SLC22A24: variants seen among roughly 807,000 people sequenced by gnomAD.
SLC22A24 encodes solute carrier family 22 member 24.
SLC22A24 carries 53 observed loss-of-function variants against 49.8 expected under a neutral mutation model. The observed-to-expected ratio is 1.06, with a 90% CI of 0.85 to 1.34. SLC22A24 has a LOEUF of 1.34. SLC22A24 is among the 40% of genes most tolerant of loss of function. The pLI is 0.00. For synonymous variants in SLC22A24, 302 were observed against 256.4 expected, an observed-to-expected ratio of 1.18 and a Z score of -1.70; for missense variants, 786 against 675.9, an observed-to-expected ratio of 1.16 and a Z score of -1.81.
intron 6 of SLC22A24, among the ~76,000 whole-genome samples, chr11:63,089,541 G>T (rs1341014555): frequency 1.3e-5 from 2 of 152,122 alleles, no homozygotes; most frequent in African/African-American, 4.8e-5. Context: ...CTAGCATCAT[G>T]ATGATAGGAT....
chr11:63,086,182 T>C (rs2086985982), intron 6 of SLC22A24, among the ~76,000 whole-genome samples: 2 of 152,184 alleles, frequency 1.3e-5, no homozygotes, highest in Admixed American at 1.3e-4. Context: ...AATCCCATTA[T>C]TGGATATACA....
chr11:63,094,300 G>A (rs1467925650), intron 6 of SLC22A24, among the ~76,000 whole-genome samples: 8 of 151,810 alleles, frequency 5.3e-5, no homozygotes, highest in African/African-American at 1.9e-4. Flanking sequence ...TCCCTACAAA[G>A]GACATGGACT....
At chr11:63,124,403 A>C (rs533663580) in intron 2 of SLC22A24, among the ~76,000 whole-genome samples, 1 of 152,328 alleles carries the variant, frequency 6.6e-6, no homozygotes, top group African/African-American at 2.4e-5. Flanking sequence ...GGAGTCAAAC[A>C]CTAGCAGACG....
Position 63,081,019 on chromosome 11 carries a change from G to A in SLC22A24, c.1499C>T (p.Ser500Phe), listed in dbSNP as rs1202539636. ...MAYSPHLPWI[S>F]YGVFPILAVP... ...AGCAAGGATGGGGAAGACTCCATAG[G>A]AAATCCAGGGTAGGTGGGGAGAATA... Residue 500 changes from serine (S) to phenylalanine (F), a missense_variant, in exon 9 of 10, where the codon TCC (serine) becomes TTC (phenylalanine). Transcript: ENST00000612278. The A allele has an allele frequency of 6.4e-7, 1 of 1,551,722 alleles. No homozygotes were observed. The highest frequency in any genetic ancestry group is 1.2e-5 in the South Asian group (1 of 84,058).
chr11:63,097,026 A>G (rs1197381926), intron 5 of SLC22A24, among the ~76,000 whole-genome samples: 1 of 152,144 alleles, frequency 6.6e-6, no homozygotes, highest in Non-Finnish European at 1.5e-5. Context: ...TTCATTTCTT[A>G]CATTTATGAT....
intron 4 of SLC22A24, among the ~76,000 whole-genome samples, chr11:63,109,476 G>T (rs1489375341): frequency 2.8e-5 from 4 of 143,024 alleles, no homozygotes; most frequent in African/African-American, 1.0e-4. Flanking sequence ...GTGTAAAAGT[G>T]TTCCTATTTC....
At chr11:63,100,006 A>G (rs1240767739) in intron 5 of SLC22A24, among the ~76,000 whole-genome samples, 1 of 152,156 alleles carries the variant, frequency 6.6e-6, no homozygotes, top group South Asian at 2.1e-4. Flanking sequence ...TTATCCCTAA[A>G]ATTCAGAAAA....
At chr11:63,089,954 G>A (rs2087009147) in intron 6 of SLC22A24, among the ~76,000 whole-genome samples, 1 of 151,744 alleles carries the variant, frequency 6.6e-6, no homozygotes, top group African/African-American at 2.4e-5. Context: ...GGTGGTGGGC[G>A]CCTGTCGTCC....
chr11:63,119,347 T>G lies in SLC22A24; in HGVS notation c.507-12A>C, dbSNP rs746857513. On this transcript the variant is annotated splice_polypyrimidine_tract_variant and intron_variant, in intron 2 of 9. Coordinates refer to ENST00000612278, the MANE Select transcript of SLC22A24 (RefSeq NM_001136506.2). ...TCTTCCGTCCAACCCTAAGAAATAT[T>G]AAACCAGATAACGTTACTTAGGAAC... 3 of 1,512,984 alleles carry G rather than the reference T, an allele frequency of 2.0e-6. No individual in the cohort carries two copies. In the South Asian group the frequency reaches 3.8e-5, roughly 19 times the overall value. 93.7% of individuals were successfully genotyped at this position (1,512,984 alleles called of 1,614,324 possible). A position where few individuals can be genotyped will look rare whatever the true frequency, so the allele number is the denominator to read the frequency against.
chr11:63,116,946 A>T (rs1463589110), intron 4 of SLC22A24, among the ~76,000 whole-genome samples: 1 of 143,826 alleles, frequency 7.0e-6, no homozygotes, highest in Non-Finnish European at 1.5e-5. Flanking sequence ...ATCTTCAATG[A>T]TGTTTTCTAT....
chr11:63,099,623 A>T (rs949219745), intron 5 of SLC22A24, among the ~76,000 whole-genome samples: 13 of 151,952 alleles, frequency 8.6e-5, no homozygotes, highest in Non-Finnish European at 1.8e-4. Flanking sequence ...GACAGATAAA[A>T]AAGAAAACTA....
intron 4 of SLC22A24, among the ~76,000 whole-genome samples, chr11:63,106,679 GTGA>G (rs1261465330): frequency 7.0e-6 from 1 of 142,998 alleles, no homozygotes; most frequent in Admixed American, 7.4e-5. Flanking sequence ...CTGATGGCCA[GTGA>G]TGATGAGCAT....
At chr11:63,118,514 C>T (rs1296193328) in intron 4 of SLC22A24, 1 of 334,740 alleles carries the variant, frequency 3.0e-6, no homozygotes, top group East Asian at 5.5e-5. Flanking sequence ...ACAGCATGCT[C>T]TTCTAATTTT....
At chr11:63,095,250 G>T (rs1263349147) in intron 6 of SLC22A24, among the ~76,000 whole-genome samples, 1 of 151,658 alleles carries the variant, frequency 6.6e-6, no homozygotes, top group Non-Finnish European at 1.5e-5. Flanking sequence ...TTGATTGATA[G>T]TTCACTATAG....
chr11:63,132,593 G>T (rs927525429), intron 2 of SLC22A24, among the ~76,000 whole-genome samples: 3 of 152,214 alleles, frequency 2.0e-5, no homozygotes, highest in Middle Eastern at 3.2e-3. Context: ...GACACTCTTT[G>T]CTTGGGTATC....
chr11:63,131,204 C>A (rs2087332683), intron 2 of SLC22A24, among the ~76,000 whole-genome samples: 1 of 151,968 alleles, frequency 6.6e-6, no homozygotes, highest in Admixed American at 6.6e-5. Context: ...GTATAGCACA[C>A]CGATAAAGAG....
At chr11:63,090,080 C>CAAAAA (rs60285946) in intron 6 of SLC22A24, among the ~76,000 whole-genome samples, 75 of 64,668 alleles carry the variant, frequency 1.2e-3, no homozygotes, top group East Asian at 1.6e-3. Flanking sequence ...GACTCTGTCT[C>CAAAAA]AAAAAAAAAA....
chr11:63,100,344 A>G (rs2087083008), intron 5 of SLC22A24, among the ~76,000 whole-genome samples: 2 of 152,112 alleles, frequency 1.3e-5, no homozygotes, highest in Non-Finnish European at 2.9e-5. Context: ...AATACCTAGG[A>G]ATAAATTTTT....
At chr11:63,094,866 A>G (rs912316474) in intron 6 of SLC22A24, among the ~76,000 whole-genome samples, 7 of 152,108 alleles carry the variant, frequency 4.6e-5, no homozygotes, top group Admixed American at 6.6e-5. Context: ...AGTTCTTTGT[A>G]GATTCTGGAT....
Sources: gnomAD v4.1 joint callset for allele counts (sites outside exome capture counted in the v4.1 genomes callset) on GRCh38, gnomAD v4.1.1 for gene constraint, MANE v1.5 for transcripts, NCBI Gene and HGNC (gene_info 2026-07-23, HGNC 2026-07-21) for gene names.